The following BCL2L14 variants were observed in gnomAD, a reference collection of about 807,000 sequenced individuals.
The protein encoded by BCL2L14 is BCL2 like 14, also known as apoptosis facilitator Bcl-2-like protein 14.
Under a neutral mutation model 35.3 loss-of-function variants are expected in BCL2L14, and 27 were observed. The observed-to-expected ratio is 0.76, with a 90% CI of 0.56 to 1.05. The LOEUF (loss-of-function observed/expected upper bound fraction) is 1.05. Among genes scored for constraint, BCL2L14 ranks in the 50% least tolerant of loss-of-function variants. The pLI, the probability that BCL2L14 is intolerant of heterozygous loss-of-function variation, is 0.00. For missense variants in BCL2L14, 377 were observed against 382.6 expected (o/e 0.99, Z 0.12); for synonymous variants, 139 against 145.9 (o/e 0.95, Z 0.34).
chr12:12,068,354 G>A (rs1446492687), upstream of BCL2L14: 1 of 392,150 alleles, frequency 2.6e-6, no homozygotes, highest in Non-Finnish European at 4.5e-6. Flanking sequence ...TTGCTTATAT[G>A]CTTTTGTGGT....
chr12:12,086,116 A>C (rs7962856), intron 2 of BCL2L14, among the ~76,000 whole-genome samples: 35,961 of 152,012 alleles, frequency 0.24, 4,732 homozygotes, highest in Middle Eastern at 0.41. Flanking sequence ...GAGTTCAAGA[A>C]CAACCTGGGC....
At position 12,087,220 on chromosome 12, in the gene BCL2L14, C is replaced by T; in HGVS notation, c.441C>T (p.Asp147=). The T allele has an allele frequency of 1.2e-6, 2 of 1,614,108 alleles. No homozygotes were observed. The highest frequency in any genetic ancestry group is 1.7e-6 in the Non-Finnish European group (2 of 1,179,976). ...CATTTTGTCTTGTTTCAGCTGTGGA[C>T]CCCAAAGTCATTTCCATTGCCAACC... ...VEQCLEHEAV[D]PKVISIANRV... is the part of the protein sequence containing the mutation. The change falls in exon 3 of 6, where the codon GAC becomes GAT. Residue 147 remains aspartate, a synonymous_variant. Coordinates refer to ENST00000308721, the MANE Select transcript of BCL2L14 (RefSeq NM_138723.2).
intron 2 of BCL2L14, among the ~76,000 whole-genome samples, chr12:12,061,078 GC>G (rs2136715165): frequency 9.5e-6 from 1 of 105,652 alleles, no homozygotes; most frequent in Non-Finnish European, 1.9e-5. Context: ...CAACTCTAGT[GC>G]CAACTTAGAC....
chr12:12,092,267 C>A (rs547597301), intron 4 of BCL2L14, among the ~76,000 whole-genome samples: 3 of 152,222 alleles, frequency 2.0e-5, no homozygotes, highest in Non-Finnish European at 4.4e-5. Flanking sequence ...TTTTCACCCC[C>A]ACAAATTACC....
chr12:12,065,494 C>T (rs1948583499), intron 2 of BCL2L14, among the ~76,000 whole-genome samples: 1 of 149,260 alleles, frequency 6.7e-6, no homozygotes, highest in Non-Finnish European at 1.5e-5. Flanking sequence ...AGAGATTGCA[C>T]CACTGCACTC....
chr12:12,064,019 C>G (rs1211421103), intron 2 of BCL2L14, among the ~76,000 whole-genome samples: 1 of 152,166 alleles, frequency 6.6e-6, no homozygotes, highest in Non-Finnish European at 1.5e-5. Context: ...GAAATAAACA[C>G]CCATGTTGCT....
At chr12:12,069,707 CAAAAA>C (rs34941963), upstream of BCL2L14, among the ~76,000 whole-genome samples, 3 of 117,326 alleles carry the variant, frequency 2.6e-5, no homozygotes, top group Non-Finnish European at 3.5e-5. Context: ...GACTCCGTCT[CAAAAA>C]AAAAAAAAAA....
At chr12:12,067,549 T>G (rs1164309437), upstream of BCL2L14, among the ~76,000 whole-genome samples, 1 of 151,894 alleles carries the variant, frequency 6.6e-6, no homozygotes, top group South Asian at 2.1e-4. Context: ...AGACTCTGTC[T>G]GAAGAAAAAA....
chr12:12,069,043 T>A (rs1948625982), upstream of BCL2L14, among the ~76,000 whole-genome samples: 2 of 152,198 alleles, frequency 1.3e-5, no homozygotes, highest in Non-Finnish European at 2.9e-5. Flanking sequence ...ATGGGGCTGG[T>A]AGGAGCGAGT....
upstream of BCL2L14, among the ~76,000 whole-genome samples, chr12:12,069,517 G>T (rs1465632396): frequency 6.6e-6 from 1 of 151,178 alleles, no homozygotes; most frequent in Non-Finnish European, 1.5e-5. Flanking sequence ...GGCTAACACG[G>T]TGAAACCCCG....
chr12:12,098,436 T>C (rs1045409962), intron 5 of BCL2L14, among the ~76,000 whole-genome samples: 2 of 152,190 alleles, frequency 1.3e-5, no homozygotes, highest in Admixed American at 6.5e-5. Flanking sequence ...CATAACACCA[T>C]AGATGTTCAG....
At chr12:12,079,227 C>T (rs1027175339) in intron 1 of BCL2L14, 72 bp from the exon 2 acceptor site, 12 of 1,290,970 alleles carry the variant, frequency 9.3e-6, no homozygotes, top group Non-Finnish European at 1.3e-5. Context: ...AGTTTTCACC[C>T]CTGTCTCTCC....
At chr12:12,096,074 C>T in intron 5 of BCL2L14, 1 of 985,312 alleles carries the variant, frequency 1.0e-6, no homozygotes, top group Non-Finnish European at 1.2e-6. Context: ...CTCATCTGCC[C>T]CAAAGCCTCT....
chr12:12,079,630 C>T lies in BCL2L14; in HGVS notation c.325C>T (p.Pro109Ser), dbSNP rs1948866353. Reference sequence around the variant, plus strand: ...GGAGAAGGAAGATTCGCAGAGCACGCCTGCCAAGGTCTCTGCTCAGGGTCA... The same window carrying T: ...GGAGAAGGAAGATTCGCAGAGCACGTCTGCCAAGGTCTCTGCTCAGGGTCA... ...VVEKEDSQST[P>S]AKVSAQGQRT... The change falls in exon 2 of 6, where the codon CCT becomes TCT. Residue 109 changes from proline to serine, a missense_variant. By Grantham distance (74) the Pro-to-Ser change is moderately conservative (BLOSUM62 -1). Coordinates refer to ENST00000308721, the MANE Select transcript of BCL2L14 (RefSeq NM_138723.2). The T allele has an allele frequency of 6.2e-7, 1 of 1,614,068 alleles. No homozygotes were observed. Among genetic ancestry groups the T allele is most frequent in the Non-Finnish European group, 8.5e-7 (1 of 1,180,030 alleles).
At chr12:12,075,940 G>A (rs186910369) in intron 1 of BCL2L14, among the ~76,000 whole-genome samples, 2,633 of 151,894 alleles carry the variant, frequency 0.017, 29 homozygotes, top group Non-Finnish European at 0.026. Flanking sequence ...ATCAGATTCG[G>A]ATCCAATGTT....
chr12:12,074,586 G>A (rs1948739013), intron 1 of BCL2L14, among the ~76,000 whole-genome samples: 1 of 151,870 alleles, frequency 6.6e-6, no homozygotes, highest in South Asian at 2.1e-4. Context: ...TTACAGGCAT[G>A]TGCCACCATA....
At chr12:12,067,653 A>C (rs1467316240), upstream of BCL2L14, among the ~76,000 whole-genome samples, 1 of 152,206 alleles carries the variant, frequency 6.6e-6, no homozygotes, top group Admixed American at 6.5e-5. Context: ...GACGTCCACC[A>C]AATTTTTAGC....
chr12:12,053,118 A>T (rs1948381538), intron 2 of BCL2L14, among the ~76,000 whole-genome samples: 1 of 152,224 alleles, frequency 6.6e-6, no homozygotes, highest in South Asian at 2.1e-4. Flanking sequence ...TGGGTGAGCC[A>T]AACACCTTTG....
At chr12:12,063,081 A>G (rs548256738) in intron 2 of BCL2L14, among the ~76,000 whole-genome samples, 3 of 152,038 alleles carry the variant, frequency 2.0e-5, no homozygotes, top group South Asian at 4.1e-4. Flanking sequence ...CATTCCAGAC[A>G]GCAGACCAAC....
Sources: gnomAD v4.1 joint callset for allele counts (sites outside exome capture counted in the v4.1 genomes callset) on GRCh38, gnomAD v4.1.1 for gene constraint, MANE v1.5 for transcripts, NCBI Gene and HGNC (gene_info 2026-07-23, HGNC 2026-07-21) for gene names.